Variants in IQCH observed in about 807,000 individuals in gnomAD.
IQCH encodes the protein IQ motif containing H, also known as IQ domain-containing protein H.
In IQCH, 98 loss-of-function variants were observed where a neutral mutation model predicts 117.0. That is an observed-to-expected ratio of 0.84 (90% CI 0.71 to 0.99). The LOEUF (loss-of-function observed/expected upper bound fraction) is 0.99. Ranked by LOEUF, IQCH falls within the 50% of genes least tolerant of loss-of-function variation. The pLI, the probability that IQCH is intolerant of heterozygous loss-of-function variation, is 0.00. For synonymous variants in IQCH, 412 were observed against 448.2 expected (o/e 0.92, Z 1.02); for missense variants, 1,102 against 1,243.8 (o/e 0.89, Z 1.72).
chr15:67,264,189 T>C (rs1302598707), intron 3 of IQCH, among the ~76,000 whole-genome samples: 2 of 152,268 alleles, frequency 1.3e-5, no homozygotes, highest in African/African-American at 4.8e-5. Context: ...GGTCTTCCTA[T>C]TGTTACCTGG....
chr15:67,418,654 C>T (rs2081642329), intron 15 of IQCH, among the ~76,000 whole-genome samples: 1 of 149,496 alleles, frequency 6.7e-6, no homozygotes, highest in Non-Finnish European at 1.5e-5. Context: ...TCTCGGCTCA[C>T]TGCAACCTCC....
At position 67,395,862 on chromosome 15, in the gene IQCH, G is replaced by T. The variant is rs1192231878; in HGVS notation, c.1905+299G>T. On this transcript the variant is annotated intron_variant, in intron 13 of 20. Coordinates refer to ENST00000335894, the MANE Select transcript of IQCH (RefSeq NM_001031715.3). This position sits in a 1 kb window ranked among gnomAD's most constrained non-coding sequence, Gnocchi z 4.0. ...TTTTTGTATTTTTAGTAGAGATGGG[G>T]TTTCACCATGTTGGCCAGGCTGGTC... 6.6e-6 allele frequency among the ~76,000 whole-genome samples: 1 copy of T among 151,968 alleles called. No homozygotes were observed. Among genetic ancestry groups the T allele is most frequent in the Non-Finnish European group, 1.5e-5 (1 of 68,004 alleles).
rs1301100373 is a variant in IQCH, at chr15:67,386,904, T to A, written c.1456+1885T>A. ...TGATACGTATTCCTTTGCCAGAAAT[T>A]AACAGGAAAGGTGAAATTGGCAACA... On this transcript the variant is annotated intron_variant, in intron 11 of 20. Transcript: ENST00000335894. The surrounding 1 kb of genome is among the most constrained non-coding windows in gnomAD (Gnocchi z 5.0). 6.6e-6 allele frequency among the ~76,000 whole-genome samples: 1 copy of A among 152,224 alleles called. No homozygotes were observed. The highest frequency in any genetic ancestry group is 1.5e-5 in the Non-Finnish European group (1 of 68,034).
intron 4 of IQCH, among the ~76,000 whole-genome samples, chr15:67,292,408 C>T (rs961748374): frequency 1.3e-5 from 2 of 152,072 alleles, no homozygotes; most frequent in African/African-American, 4.8e-5. Flanking sequence ...GAGCTGCATG[C>T]CACCATACCT....
chr15:67,321,779 G>A (rs1325195279), intron 4 of IQCH, among the ~76,000 whole-genome samples: 1 of 152,126 alleles, frequency 6.6e-6, no homozygotes, highest in South Asian at 2.1e-4. Flanking sequence ...CTCACACTTG[G>A]AAACTTTTCA....
chr15:67,494,302 G>C lies in IQCH; in HGVS notation c.2906G>C (p.Arg969Pro), dbSNP rs573462466. The change falls in exon 20 of 21, where the codon CGC becomes CCC. Residue 969 changes from arginine to proline, a missense_variant. By Grantham distance (103) the Arg-to-Pro change is moderately radical (BLOSUM62 -2). Transcript: ENST00000335894. The surrounding 1 kb of genome is among the most constrained non-coding windows in gnomAD (Gnocchi z 5.5). The part of the protein sequence containing the change: ...DLQGVLMTFA[R>P]HLFIIHQEIS... ...CAGGGGGTCCTCATGACCTTTGCTC[G>C]CCATCTCTTCATCATCCATCAAGAA... The C allele has an allele frequency of 6.2e-7, 1 of 1,612,860 alleles. No individual in the cohort carries two copies. Among genetic ancestry groups the C allele is most frequent in the South Asian group, 1.1e-5 (1 of 90,716 alleles).
chr15:67,423,326 G>A (rs1485038011), intron 16 of IQCH, among the ~76,000 whole-genome samples: 2 of 152,130 alleles, frequency 1.3e-5, no homozygotes, highest in Non-Finnish European at 2.9e-5. Context: ...AGCACTTTGG[G>A]AGGCCGAAGC....
rs1249945614 is a variant in IQCH, at chr15:67,473,324, T to G, written c.2677-2372T>G. Among the ~76,000 whole-genome samples, 1 of 152,216 alleles carries G rather than the reference T, an allele frequency of 6.6e-6. No individual in the cohort carries two copies. Among genetic ancestry groups the G allele is most frequent in the Non-Finnish European group, 1.5e-5 (1 of 68,022 alleles). On this transcript the variant is annotated intron_variant, in intron 17 of 20. Coordinates refer to ENST00000335894, the MANE Select transcript of IQCH (RefSeq NM_001031715.3). This position sits in a 1 kb window ranked among gnomAD's most constrained non-coding sequence, Gnocchi z 4.9. ...CGAGCAGGCCTTGTGGCCATGCCCT[T>G]CCAGACAGACTAGCTAGCTGGGCCA...
At position 67,416,744 on chromosome 15, in the gene IQCH, A is replaced by T. The variant is rs1389292956; in HGVS notation, c.2098-187A>T. Among the ~76,000 whole-genome samples, 3 of 152,164 alleles carry T rather than the reference A, an allele frequency of 2.0e-5. No homozygotes were observed. The highest frequency in any genetic ancestry group is 2.9e-5 in the Non-Finnish European group (2 of 68,022). The stretch of plus-strand genomic sequence containing the variant: ...TTAAGAATTTTTAGGGCGCCAAATC[A>T]CTTTTGAAATATGAAAACTGAAATG... On this transcript the variant is annotated intron_variant, in intron 14 of 20. Transcript: ENST00000335894. This position sits in a 1 kb window ranked among gnomAD's most constrained non-coding sequence, Gnocchi z 5.1.
rs1418097251 is a variant in IQCH, at chr15:67,424,792, A to G, written c.2505+3215A>G. Reference sequence around the variant, plus strand: ...CATTTGTGTTATAGTTATCAACAGAATATTGGAAGAAGTTCTCAGTGACCA... The same window carrying G: ...CATTTGTGTTATAGTTATCAACAGAGTATTGGAAGAAGTTCTCAGTGACCA... On this transcript the variant is annotated intron_variant, in intron 16 of 20. Transcript: ENST00000335894. This position sits in a 1 kb window ranked among gnomAD's most constrained non-coding sequence, Gnocchi z 4.9. Among the ~76,000 whole-genome samples the G allele has an allele frequency of 6.6e-6, 1 of 152,242 alleles. No homozygotes were observed.
At chr15:67,334,348 C>G (rs1199198223) in intron 4 of IQCH, among the ~76,000 whole-genome samples, 4 of 152,114 alleles carry the variant, frequency 2.6e-5, no homozygotes, top group Admixed American at 2.6e-4. Context: ...ATCTACCTTT[C>G]CAGTCTCATT....
At chr15:67,259,457 A>G (rs950193701) in intron 1 of IQCH, among the ~76,000 whole-genome samples, 3 of 152,248 alleles carry the variant, frequency 2.0e-5, no homozygotes, top group African/African-American at 7.2e-5. Flanking sequence ...AAATTGTGTG[A>G]CTAATAAGTG....
Position 67,472,408 on chromosome 15 carries a change from C to T in IQCH, c.2677-3288C>T, listed in dbSNP as rs942364835. Among the ~76,000 whole-genome samples, 3 of 152,066 alleles carry T rather than the reference C, an allele frequency of 2.0e-5. No individual in the cohort carries two copies. The highest frequency in any genetic ancestry group is 4.1e-4 in the South Asian group (2 of 4,826). ...TGAAGGCAAAAAGGCCTGAATATTT[C>T]TGAATAGGAGGATGACACAGACCAA... On this transcript the variant is annotated intron_variant, in intron 17 of 20. Transcript: ENST00000335894. The surrounding 1 kb of genome is among the most constrained non-coding windows in gnomAD (Gnocchi z 4.3).
At chr15:67,268,917 A>G (rs967011350) in intron 3 of IQCH, among the ~76,000 whole-genome samples, 2 of 144,914 alleles carry the variant, frequency 1.4e-5, no homozygotes, top group African/African-American at 5.0e-5. Flanking sequence ...AAAAAAACAA[A>G]CTTTTAAAAC....
chr15:67,391,400 A>C lies in IQCH; in HGVS notation c.1632+2394A>C, dbSNP rs561010939. Among the ~76,000 whole-genome samples the C allele has an allele frequency of 1.3e-4, 20 of 152,300 alleles. No homozygotes were observed. In the South Asian group the frequency reaches 4.1e-3, roughly 32 times the overall value. On this transcript the variant is annotated intron_variant, in intron 12 of 20. Transcript: ENST00000335894. This position sits in a 1 kb window ranked among gnomAD's most constrained non-coding sequence, Gnocchi z 4.3. ...AGAGATTGTATCAGTGCTGATTTTC[A>C]TTTAAATGGATGGCTATGAGATTTT...
chr15:67,442,863 G>GATAGATAGATAGATAGATAGATA (rs1555499849), intron 16 of IQCH, among the ~76,000 whole-genome samples: 1 of 115,936 alleles, frequency 8.6e-6, no homozygotes, highest in African/African-American at 3.4e-5. Flanking sequence ...TAGATAGATA[G>GATAGATAGATAGATAGATAGATA]ATATACATAT....
chr15:67,292,445 G>A (rs1020164116), intron 4 of IQCH, among the ~76,000 whole-genome samples: 7 of 152,006 alleles, frequency 4.6e-5, no homozygotes, highest in African/African-American at 1.5e-4. Context: ...TTTAGTAGTA[G>A]CAAGGTTTTG....
chr15:67,490,061 T>C lies in IQCH; in HGVS notation c.2858T>C (p.Met953Thr). The C allele has an allele frequency of 6.2e-7, 1 of 1,606,254 alleles. No homozygotes were observed. Among genetic ancestry groups the C allele is most frequent in the Non-Finnish European group, 8.5e-7 (1 of 1,173,868 alleles). ...CACCTGAAGAGACACAAGTTGGGAA[T>C]GTTGTGAGTATGAAGTGTATCTGTG... ...YEHLKRHKLG[M>T]LTIGEDLQGV... is the part of the protein sequence containing the mutation. The change falls in exon 19 of 21, where the codon ATG becomes ACG. Residue 953 changes from methionine to threonine, a missense_variant. This residue lies in a region of IQCH where 650 missense variants were observed against 794.3 expected (regional missense o/e 0.82). Coordinates refer to ENST00000335894, the MANE Select transcript of IQCH (RefSeq NM_001031715.3). This position sits in a 1 kb window ranked among gnomAD's most constrained non-coding sequence, Gnocchi z 4.9.
At chr15:67,284,610 T>C (rs1325091136) in intron 4 of IQCH, among the ~76,000 whole-genome samples, 1 of 152,134 alleles carries the variant, frequency 6.6e-6, no homozygotes, top group Non-Finnish European at 1.5e-5. Flanking sequence ...CTCTCCCTTC[T>C]TCCACCCTCC....
Sources: gnomAD v4.1 joint callset for allele counts (sites outside exome capture counted in the v4.1 genomes callset) on GRCh38, gnomAD v4.1.1 for gene constraint, gnomAD v4.1.1 regional missense constraint, Gnocchi (gnomAD v3.1) non-coding constraint, MANE v1.5 for transcripts, NCBI Gene and HGNC (gene_info 2026-07-23, HGNC 2026-07-21) for gene names.